The following SPATA17 variants were observed in gnomAD, a reference collection of about 807,000 sequenced individuals.
The protein encoded by SPATA17 is spermatogenesis-associated protein 17.
SPATA17 carries 53 observed loss-of-function variants against 62.2 expected under a neutral mutation model. The observed-to-expected ratio is 0.85, with a 90% CI of 0.68 to 1.07. The LOEUF is 1.07. Among genes scored for constraint, SPATA17 ranks in the 50% least tolerant of loss-of-function variants. The pLI is 0.00. For synonymous variants in SPATA17, 146 were observed against 146.8 expected, an observed-to-expected ratio of 0.99 and a Z score of 0.04; for missense variants, 466 against 425.5, an observed-to-expected ratio of 1.10 and a Z score of -0.84.
At chr1:217,718,062 G>A (rs1248991147) in intron 5 of SPATA17, among the ~76,000 whole-genome samples, 1 of 152,132 alleles carries the variant, frequency 6.6e-6, no homozygotes, top group East Asian at 1.9e-4. Flanking sequence ...ATCAGATTAG[G>A]AATGTTGTTT....
At chr1:217,770,076 G>T (rs978782091) in intron 6 of SPATA17, among the ~76,000 whole-genome samples, 2 of 152,124 alleles carry the variant, frequency 1.3e-5, no homozygotes, top group Admixed American at 1.3e-4. Flanking sequence ...TTCATTCACA[G>T]TTCTTTGGCC....
chr1:217,656,131 G>T (rs537857161), intron 3 of SPATA17, among the ~76,000 whole-genome samples: 3 of 151,846 alleles, frequency 2.0e-5, no homozygotes, highest in South Asian at 4.2e-4. Flanking sequence ...TGATCCACCC[G>T]CCTTGGCCTC....
chr1:217,660,262 G>A (rs1298132277), intron 3 of SPATA17, among the ~76,000 whole-genome samples: 1 of 152,142 alleles, frequency 6.6e-6, no homozygotes, highest in East Asian at 1.9e-4. Flanking sequence ...CTTCTTAAAT[G>A]CTTGTCATGT....
intron 1 of SPATA17, among the ~76,000 whole-genome samples, chr1:217,645,506 T>A (rs1670160376): frequency 6.6e-6 from 1 of 152,152 alleles, no homozygotes; most frequent in Admixed American, 6.6e-5. Context: ...ACAAATGTTT[T>A]CAGTAATTTA....
At chr1:217,777,026 C>T (rs955383917) in intron 7 of SPATA17, among the ~76,000 whole-genome samples, 7 of 150,926 alleles carry the variant, frequency 4.6e-5, no homozygotes, top group African/African-American at 9.7e-5. Flanking sequence ...GACTACCCGA[C>T]GGTGTGGATA....
chr1:217,748,338 A>G (rs1466221925), intron 6 of SPATA17, among the ~76,000 whole-genome samples: 1 of 151,802 alleles, frequency 6.6e-6, no homozygotes, highest in African/African-American at 2.4e-5. Context: ...ACATACCCAT[A>G]ATTAATTGAT....
At chr1:217,710,324 AAACT>A (rs1467134347) in intron 5 of SPATA17, among the ~76,000 whole-genome samples, 2 of 150,498 alleles carry the variant, frequency 1.3e-5, no homozygotes, top group African/African-American at 2.5e-5. Context: ...ATGAAATGAG[AAACT>A]AACTACAGAG....
chr1:217,798,475 T>A (rs898784265), intron 8 of SPATA17, among the ~76,000 whole-genome samples: 2 of 152,238 alleles, frequency 1.3e-5, no homozygotes, highest in African/African-American at 2.4e-5. Context: ...TTTAAGAGTC[T>A]TGTATTTATT....
chr1:217,780,234 A>G (rs1673700416), intron 7 of SPATA17, among the ~76,000 whole-genome samples: 1 of 152,180 alleles, frequency 6.6e-6, no homozygotes, highest in Admixed American at 6.6e-5. Context: ...TAAATCAACA[A>G]AAATTTGACG....
At chr1:217,858,830 C>G (rs1429918124) in intron 9 of SPATA17, among the ~76,000 whole-genome samples, 1 of 151,918 alleles carries the variant, frequency 6.6e-6, no homozygotes, top group East Asian at 1.9e-4. Flanking sequence ...GAGTTCGAGA[C>G]CAGCCTGGCC....
intron 5 of SPATA17, among the ~76,000 whole-genome samples, chr1:217,696,201 C>A (rs1024541929): frequency 3.3e-5 from 5 of 152,104 alleles, no homozygotes; most frequent in Non-Finnish European, 7.4e-5. Flanking sequence ...CGTGGTGCAC[C>A]GTTTTTTAAG....
intron 5 of SPATA17, among the ~76,000 whole-genome samples, chr1:217,686,957 G>A (rs369365348): frequency 3.0e-4 from 45 of 152,318 alleles, no homozygotes; most frequent in African/African-American, 1.0e-3. Flanking sequence ...GACCTCAAGT[G>A]ATCCACCTGC....
chr1:217,841,765 T>A (rs1675408835), intron 9 of SPATA17, among the ~76,000 whole-genome samples: 1 of 151,710 alleles, frequency 6.6e-6, no homozygotes, highest in Non-Finnish European at 1.5e-5. Context: ...ACTCACCACC[T>A]AGTTTCAACC....
intron 9 of SPATA17, among the ~76,000 whole-genome samples, chr1:217,802,640 G>A (rs1674341289): frequency 6.6e-6 from 1 of 152,006 alleles, no homozygotes; most frequent in East Asian, 1.9e-4. Context: ...AAGGGACCAG[G>A]ACTCTACCTT....
At chr1:217,653,066 A>G (rs1670361979) in intron 3 of SPATA17, among the ~76,000 whole-genome samples, 3 of 152,160 alleles carry the variant, frequency 2.0e-5, no homozygotes, top group Admixed American at 2.0e-4. Context: ...TGAGTGAGTG[A>G]TTTTCAGATC....
rs75467269 is a variant in SPATA17 at position 217,814,215 on chromosome 1, T to C, written c.1005+12365T>C. 1.0e-3 allele frequency among the ~76,000 whole-genome samples: 159 copies of C among 152,296 alleles called. 3 individuals carry two copies. The East Asian group carries it at 0.026, about 25-fold the overall frequency. ...ATTTCATTTAAGTGATGAACAAACA[T>C]AATGGAACAAATTTTTACAAAGAAG... On this transcript the variant is annotated intron_variant, in intron 9 of 10. Transcript: ENST00000366933.
chr1:217,814,558 A>G (rs550025480), intron 9 of SPATA17, among the ~76,000 whole-genome samples: 7 of 152,254 alleles, frequency 4.6e-5, no homozygotes, highest in African/African-American at 1.7e-4. Context: ...TGAAGTTTCT[A>G]AGTCTCAGAC....
chr1:217,799,377 T>C (rs1674236457), intron 8 of SPATA17, among the ~76,000 whole-genome samples: 1 of 152,014 alleles, frequency 6.6e-6, no homozygotes, highest in African/African-American at 2.4e-5. Flanking sequence ...AATTCAGAAG[T>C]GATAAAAACT....
intron 1 of SPATA17, among the ~76,000 whole-genome samples, chr1:217,636,996 A>G (rs979846163): frequency 6.6e-6 from 1 of 152,238 alleles, no homozygotes. Flanking sequence ...ATTGGAGAAT[A>G]CAGAGAAACC....
Sources: gnomAD v4.1 joint callset for allele counts (sites outside exome capture counted in the v4.1 genomes callset) on GRCh38, gnomAD v4.1.1 for gene constraint, MANE v1.5 for transcripts, NCBI Gene and HGNC (gene_info 2026-07-23, HGNC 2026-07-21) for gene names.